Variants in SELENOF observed in about 807,000 individuals in gnomAD.
The protein encoded by SELENOF is selenoprotein F, also known as 15 kDa selenoprotein.
In SELENOF, 16 loss-of-function variants were observed where a neutral mutation model predicts 20.5. That is an observed-to-expected ratio of 0.78 (90% CI 0.53 to 1.19). The LOEUF is 1.19. Among genes scored for constraint, SELENOF ranks in the 50% most tolerant of loss-of-function variants. The pLI is 0.00. For synonymous variants in SELENOF, 78 were observed against 74.5 expected (o/e 1.05, Z -0.24); for missense variants, 215 against 194.2 (o/e 1.11, Z -0.64).
intron 3 of SELENOF, among the ~76,000 whole-genome samples, chr1:86,872,768 C>T (rs1452268526): frequency 6.6e-6 from 1 of 151,960 alleles, no homozygotes; most frequent in African/African-American, 2.4e-5. Context: ...ACGGGCCCGG[C>T]GTGGTAGCTC....
At position 86,903,398 on chromosome 1, in the gene SELENOF, G is replaced by A; in HGVS notation, c.135C>T (p.Gly45=). 1 of 1,611,638 alleles carries A rather than the reference G, an allele frequency of 6.2e-7. No homozygotes were observed. Among genetic ancestry groups the A allele is most frequent in the East Asian group, 2.2e-5 (1 of 44,828 alleles). ...AGCTGCAAAGCAAGTTGCTAGAAAA[G>A]CCTAACTCTCTGCATGCCTCCGATG... ...EFSSEACREL[G]FSSNLLCSSC... The change falls in exon 2 of 5, where the codon GGC becomes GGT. Residue 45 remains glycine (G), a synonymous_variant. Transcript: ENST00000331835.
intron 3 of SELENOF, among the ~76,000 whole-genome samples, chr1:86,873,916 A>G (rs1036250987): frequency 5.9e-5 from 9 of 152,116 alleles, no homozygotes; most frequent in Admixed American, 5.2e-4. Flanking sequence ...CTCCAGGTCT[A>G]AAGTGTTATT....
At chr1:86,863,674 A>T in intron 4 of SELENOF, 69 bp from the exon 5 acceptor site, 2 of 1,396,202 alleles carry the variant, frequency 1.4e-6, no homozygotes, top group Non-Finnish European at 1.9e-6. Flanking sequence ...ATCTAAGACA[A>T]AGCAATTCAA....
intron 1 of SELENOF, among the ~76,000 whole-genome samples, chr1:86,903,767 G>A (rs1659764210): frequency 1.3e-5 from 2 of 152,088 alleles, no homozygotes; most frequent in South Asian, 4.1e-4. Flanking sequence ...GCTAATTTTT[G>A]TATTTTTAAT....
At chr1:86,885,244 C>G (rs1659184592) in intron 2 of SELENOF, among the ~76,000 whole-genome samples, 1 of 152,104 alleles carries the variant, frequency 6.6e-6, no homozygotes, top group African/African-American at 2.4e-5. Flanking sequence ...ATAACAGCTA[C>G]TCAAACTGTA....
intron 3 of SELENOF, among the ~76,000 whole-genome samples, chr1:86,870,279 C>T (rs1045102441): frequency 4.6e-5 from 7 of 152,192 alleles, no homozygotes; most frequent in African/African-American, 1.7e-4. Context: ...CTCACCTAAT[C>T]CTCCCCTACA....
intron 3 of SELENOF, among the ~76,000 whole-genome samples, chr1:86,876,464 T>C (rs1045191809): frequency 4.6e-5 from 7 of 152,192 alleles, no homozygotes; most frequent in African/African-American, 1.7e-4. Flanking sequence ...CATCCCAAAT[T>C]TATAGAATTG....
At chr1:86,864,641 T>C (rs1658546022) in intron 4 of SELENOF, among the ~76,000 whole-genome samples, 1 of 141,604 alleles carries the variant, frequency 7.1e-6, no homozygotes, top group South Asian at 2.3e-4. Context: ...GTCAGGTTAC[T>C]TTTTTTTTTT....
chr1:86,899,931 G>A (rs1383494245), intron 2 of SELENOF, among the ~76,000 whole-genome samples: 15 of 150,406 alleles, frequency 1.0e-4, no homozygotes, highest in South Asian at 4.2e-4. Flanking sequence ...GGGCAGAGGC[G>A]CTCCTCACAT....
rs1196555694 is a variant in SELENOF, at chr1:86,863,493, T to C, written c.479A>G (p.Glu160Gly). The change falls in exon 5 of 5, where the codon GAA becomes GGA. Residue 160 changes from glutamate to glycine, a missense_variant. Glu to Gly is a moderately conservative substitution (Grantham distance 98, BLOSUM62 -2). Coordinates refer to ENST00000331835, the MANE Select transcript of SELENOF (RefSeq NM_004261.5). Reference sequence around the variant, plus strand: ...CAAGATTTATATGCGTTCCAACTTTTCACTCAGGAATTCTTCTACACTGTC... The same window carrying C: ...CAAGATTTATATGCGTTCCAACTTTCCACTCAGGAATTCTTCTACACTGTC... The part of the protein sequence containing the change: ...NTDSVEEFLS[E>G]KLERI 6.2e-7 allele frequency: 1 copy of C among 1,612,268 alleles called. No homozygotes were observed. The highest frequency in any genetic ancestry group is 1.3e-5 in the African/African-American group (1 of 74,830).
At chr1:86,911,059 A>C (rs1331572346) in intron 1 of SELENOF, among the ~76,000 whole-genome samples, 1 of 152,268 alleles carries the variant, frequency 6.6e-6, no homozygotes, top group Non-Finnish European at 1.5e-5. Context: ...CAGGAAAGAC[A>C]GGGTACTTCC....
intron 4 of SELENOF, among the ~76,000 whole-genome samples, chr1:86,866,219 A>AGT (rs1201916895): frequency 1.1e-5 from 1 of 87,256 alleles, no homozygotes; most frequent in Non-Finnish European, 2.3e-5. Context: ...AAAAAAAAAA[A>AGT]GTGTGTGTCT....
At chr1:86,874,509 C>T (rs535272654) in intron 3 of SELENOF, among the ~76,000 whole-genome samples, 2 of 151,710 alleles carry the variant, frequency 1.3e-5, no homozygotes, top group South Asian at 4.2e-4. Flanking sequence ...CTCAGAATGT[C>T]AAGGGATTTA....
At position 86,907,595 on chromosome 1, in the gene SELENOF, T is replaced by C. The variant is rs114545637; in HGVS notation, c.85-4147A>G. Among the ~76,000 whole-genome samples the C allele has an allele frequency of 4.9e-3, 749 of 152,344 alleles. 7 individuals carry two copies. The highest frequency in any genetic ancestry group is 0.017 in the African/African-American group (694 of 41,562). On this transcript the variant is annotated intron_variant, in intron 1 of 4. Transcript: ENST00000331835. ...GATCAAATATTAAATTTTAGATTAA[T>C]TAGCCACACTTGTAAGAAAGACAAA...
At position 86,893,321 on chromosome 1, in the gene SELENOF, C is replaced by T. The variant is rs116648257; in HGVS notation, c.252+9960G>A. On this transcript the variant is annotated intron_variant, in intron 2 of 4. Transcript: ENST00000331835. ...GAAGCTGAGATGAAAATTAAACTCT[C>T]GGCTAGGGTATGGTGGCTCACGCCT... 6.8e-3 allele frequency among the ~76,000 whole-genome samples: 1,032 copies of T among 151,998 alleles called. 10 individuals are homozygous for T. The highest frequency in any genetic ancestry group is 0.024 in the African/African-American group (983 of 41,480).
chr1:86,909,022 G>A (rs1442763071), intron 1 of SELENOF, among the ~76,000 whole-genome samples: 1 of 152,172 alleles, frequency 6.6e-6, no homozygotes, highest in Non-Finnish European at 1.5e-5. Context: ...TCAAGTATAA[G>A]AAACTCAGAG....
intron 2 of SELENOF, among the ~76,000 whole-genome samples, chr1:86,900,824 C>T (rs1418660675): frequency 6.6e-6 from 1 of 152,176 alleles, no homozygotes; most frequent in African/African-American, 2.4e-5. Flanking sequence ...AGGGGTGAGC[C>T]ATCACACCCG....
intron 3 of SELENOF, among the ~76,000 whole-genome samples, chr1:86,880,131 C>G (rs981448522): frequency 1.8e-4 from 28 of 151,550 alleles, no homozygotes; most frequent in African/African-American, 6.8e-4. Flanking sequence ...TATTTTAAAT[C>G]TGAATTTCTT....
intron 2 of SELENOF, among the ~76,000 whole-genome samples, chr1:86,881,582 A>G (rs573933209): frequency 6.6e-6 from 1 of 152,348 alleles, no homozygotes; most frequent in East Asian, 1.9e-4. Context: ...AGGTTCAAGA[A>G]AGATGGACTT....
Sources: allele counts gnomAD v4.1 joint callset (sites outside exome capture counted in the v4.1 genomes callset), GRCh38; gene constraint gnomAD v4.1.1; transcripts MANE v1.5; gene names NCBI Gene and HGNC (gene_info 2026-07-23, HGNC 2026-07-21).